The following CENPC variants were observed in gnomAD, a reference collection of about 807,000 sequenced individuals.
CENPC encodes CENP-C 1.
Under a neutral mutation model 112.1 loss-of-function variants are expected in CENPC, and 63 were observed. The observed-to-expected ratio is 0.56, with a 90% CI of 0.46 to 0.69. The LOEUF is 0.69. Among genes scored for constraint, CENPC ranks in the 30% least tolerant of loss-of-function variants. The probability of loss-of-function intolerance (pLI) is 0.00; values close to 1 mark genes in which losing one functional copy is unlikely to be tolerated. For missense variants in CENPC, 1,000 were observed against 1,103.8 expected (o/e 0.91, Z 1.33); for synonymous variants, 333 against 367.6 (o/e 0.91, Z 1.08).
chr4:67,538,560 C>A (rs574666678), intron 4 of CENPC, among the ~76,000 whole-genome samples: 65 of 152,224 alleles, frequency 4.3e-4, no homozygotes, highest in African/African-American at 1.5e-3. Flanking sequence ...AGTTGAGGAG[C>A]CAAAGCTGAG....
rs1577975088 is a variant in CENPC at position 67,487,174 on chromosome 4, T to C, written c.2670+2793A>G. Among the ~76,000 whole-genome samples the C allele has an allele frequency of 2.0e-5, 3 of 152,080 alleles. No individual in the cohort carries two copies. The East Asian group carries it at 5.8e-4, about 29-fold the overall frequency. ...TTTAACTCCAACATTCCTTCTTCAC[T>C]CATTAGCTGGAATATTATTCTAATA... On this transcript the variant is annotated intron_variant, in intron 17 of 18. Transcript: ENST00000273853.
In CENPC at chr4:67,473,127, G is replaced by A. The variant is rs574869966; in HGVS notation, c.2762-452C>T. Among the ~76,000 whole-genome samples, 357 of 151,400 alleles carry A rather than the reference G, an allele frequency of 2.4e-3. 4 individuals are homozygous for A. Among genetic ancestry groups the A allele is most frequent in the Non-Finnish European group, 3.7e-4 (25 of 67,924 alleles). On this transcript the variant is annotated intron_variant, in intron 18 of 18. Coordinates refer to ENST00000273853, the MANE Select transcript of CENPC (RefSeq NM_001812.4). ...TTCTTTTTCTGGAGAACGGGGTCTC[G>A]CTATATTGCCCAGGCAGGTCTCGAA...
At chr4:67,495,026 T>C in intron 13 of CENPC, 133 bp downstream of exon 13, 1 of 897,574 alleles carries the variant, frequency 1.1e-6, no homozygotes, top group East Asian at 3.2e-5. Context: ...ACTAAGTGCA[T>C]AATTTTAATT....
At chr4:67,476,656 T>C (rs1225999858) in intron 17 of CENPC, among the ~76,000 whole-genome samples, 2 of 152,162 alleles carry the variant, frequency 1.3e-5, no homozygotes, top group African/African-American at 4.8e-5. Flanking sequence ...AAGCGTGAAT[T>C]TTCCTGGGCA....
intron 4 of CENPC, 44 bp from the exon 5 acceptor site, chr4:67,530,958 T>A: frequency 2.1e-6 from 2 of 954,322 alleles, no homozygotes; most frequent in Non-Finnish European, 3.1e-6. Flanking sequence ...TTTATTAACT[T>A]ACCAATTCAA....
intron 16 of CENPC, among the ~76,000 whole-genome samples, chr4:67,491,462 TATATATATATATATATATAG>T (rs1291022783): frequency 1.3e-3 from 88 of 65,702 alleles, no homozygotes; most frequent in African/African-American, 4.4e-3. Context: ...TATATATATA[TATATATATATATATATATAG>T]AGAGAGAGAG....
At chr4:67,496,848 G>A (rs1258518497) in intron 12 of CENPC, among the ~76,000 whole-genome samples, 1 of 152,022 alleles carries the variant, frequency 6.6e-6, no homozygotes, top group Admixed American at 6.6e-5. Context: ...TATATGGTAT[G>A]TGAAGTCTAG....
intron 4 of CENPC, among the ~76,000 whole-genome samples, chr4:67,532,968 C>G (rs1187091781): frequency 6.6e-6 from 1 of 152,108 alleles, no homozygotes; most frequent in Admixed American, 6.5e-5. Context: ...TCTCCCGAGT[C>G]CTTTTAGTGA....
At chr4:67,478,205 G>A (rs758053416) in intron 17 of CENPC, among the ~76,000 whole-genome samples, 8 of 152,086 alleles carry the variant, frequency 5.3e-5, no homozygotes, top group Non-Finnish European at 1.0e-4. Flanking sequence ...AGAGCACCTG[G>A]AAAATTCATC....
At chr4:67,502,110 C>A (rs994101311) in intron 12 of CENPC, among the ~76,000 whole-genome samples, 2 of 151,444 alleles carry the variant, frequency 1.3e-5, no homozygotes, top group African/African-American at 4.9e-5. Context: ...AATAGCAATA[C>A]GGTGATAGTT....
intron 17 of CENPC, among the ~76,000 whole-genome samples, chr4:67,477,606 A>G (rs1435702151): frequency 6.6e-6 from 1 of 152,228 alleles, no homozygotes; most frequent in Middle Eastern, 3.2e-3. Context: ...AAATGAGAAG[A>G]AACCAGAAAA....
chr4:67,537,638 C>G (rs971039411), intron 4 of CENPC, among the ~76,000 whole-genome samples: 1 of 152,058 alleles, frequency 6.6e-6, no homozygotes, highest in Admixed American at 6.6e-5. Flanking sequence ...ACTAAAAATA[C>G]AAATATTAGC....
At chr4:67,527,477 G>C (rs1179841490) in intron 5 of CENPC, among the ~76,000 whole-genome samples, 1 of 137,974 alleles carries the variant, frequency 7.2e-6, no homozygotes, top group South Asian at 2.4e-4. Flanking sequence ...AACAACGCTA[G>C]AATTTTCACC....
chr4:67,515,814 C>G (rs1365454147), intron 7 of CENPC, among the ~76,000 whole-genome samples: 1 of 151,696 alleles, frequency 6.6e-6, no homozygotes, highest in Admixed American at 6.6e-5. Context: ...TCTAGTGCCA[C>G]AGAAACAGGA....
chr4:67,522,053 G>C (rs1440916608), intron 5 of CENPC, among the ~76,000 whole-genome samples: 1 of 152,158 alleles, frequency 6.6e-6, no homozygotes, highest in Non-Finnish European at 1.5e-5. Flanking sequence ...CTACTGAACT[G>C]TATACTCAGA....
chr4:67,521,925 G>C (rs193099001), intron 5 of CENPC, among the ~76,000 whole-genome samples: 1 of 152,256 alleles, frequency 6.6e-6, no homozygotes, highest in Admixed American at 6.5e-5. Flanking sequence ...GTGGTTGCCA[G>C]GGCTAATGGA....
intron 12 of CENPC, among the ~76,000 whole-genome samples, chr4:67,499,687 C>T (rs767983912): frequency 6.6e-5 from 10 of 152,198 alleles, no homozygotes; most frequent in Non-Finnish European, 1.2e-4. Context: ...CATGTGTTCA[C>T]TGTAGTAGCA....
intron 9 of CENPC, among the ~76,000 whole-genome samples, chr4:67,510,429 A>C (rs1038364286): frequency 6.6e-6 from 1 of 152,190 alleles, no homozygotes; most frequent in Admixed American, 6.6e-5. Flanking sequence ...CTCCTCCAGC[A>C]GACTAACAAC....
chr4:67,530,040 A>G (rs1460376242), intron 5 of CENPC, among the ~76,000 whole-genome samples: 2 of 152,204 alleles, frequency 1.3e-5, no homozygotes, highest in East Asian at 1.9e-4. Flanking sequence ...AAACAAACTT[A>G]GAAGATTATG....
Sources: gnomAD v4.1 joint callset for allele counts (sites outside exome capture counted in the v4.1 genomes callset) on GRCh38, gnomAD v4.1.1 for gene constraint, MANE v1.5 for transcripts, NCBI Gene and HGNC (gene_info 2026-07-23, HGNC 2026-07-21) for gene names.